The following DEAF1 variants were observed in gnomAD, a reference collection of about 807,000 sequenced individuals.
DEAF1 encodes DEAF1 transcription factor.
In DEAF1, 53 loss-of-function variants were observed where a neutral mutation model predicts 58.9. That is an observed-to-expected ratio of 0.90 (90% CI 0.72 to 1.13). The LOEUF (loss-of-function observed/expected upper bound fraction) is 1.13. DEAF1 is among the 50% of genes most tolerant of loss of function. The pLI, the probability that DEAF1 is intolerant of heterozygous loss-of-function variation, is 0.00. For synonymous variants in DEAF1, 385 were observed against 340.4 expected (o/e 1.13, Z -1.44); for missense variants, 685 against 791.4 (o/e 0.87, Z 1.61).
At chr11:685,082 CT>C (rs55670454) in intron 5 of DEAF1, 119 bp from the exon 6 acceptor site, 13,521 of 348,474 alleles carry the variant, frequency 0.039, 2 homozygotes, top group Middle Eastern at 0.05. Flanking sequence ...TATAAAAATT[CT>C]TTTTTTTTTT....
At chr11:700,526 CAA>C (rs34654075) in intron 1 of DEAF1, 5,570 of 882,666 alleles carry the variant, frequency 6.3e-3, no homozygotes, top group South Asian at 7.5e-3. Flanking sequence ...GACCCTGTCT[CAA>C]AAAAAAAAAA....
upstream of DEAF1, chr11:699,163 G>A (rs1861333922): frequency 1.9e-5 from 9 of 480,124 alleles, no homozygotes; most frequent in South Asian, 1.2e-4. Flanking sequence ...TGTCTCGGCC[G>A]CTAGTGGCAG....
chr11:696,925 C>T (rs983991787), upstream of DEAF1, among the ~76,000 whole-genome samples: 13 of 149,886 alleles, frequency 8.7e-5, no homozygotes, highest in African/African-American at 3.2e-4. Context: ...ACTAAAAATA[C>T]AAAATTAGCC....
intron 7 of DEAF1, 109 bp from the exon 8 acceptor site, chr11:679,925 G>A (rs1255886632): frequency 1.6e-5 from 23 of 1,476,834 alleles, no homozygotes; most frequent in East Asian, 7.1e-5. Context: ...GCTGAAGGGC[G>A]GGCAGTGGTA....
intron 10 of DEAF1, among the ~76,000 whole-genome samples, chr11:660,614 TC>T (rs1047161779): frequency 6.6e-6 from 1 of 152,184 alleles, no homozygotes; most frequent in African/African-American, 2.4e-5. Flanking sequence ...GGCGGGCTGC[TC>T]CCGAGTATCC....
chr11:665,590 A>G (rs984275566), intron 10 of DEAF1, among the ~76,000 whole-genome samples: 9 of 152,246 alleles, frequency 5.9e-5, no homozygotes, highest in Admixed American at 3.3e-4. Flanking sequence ...TTCATGCCAC[A>G]TTTCTCTCAT....
At chr11:654,232 G>T (rs11601654) in intron 10 of DEAF1, among the ~76,000 whole-genome samples, 181 bp from the exon 11 acceptor site, 1 of 143,292 alleles carries the variant, frequency 7.0e-6, no homozygotes, top group Non-Finnish European at 1.5e-5. Flanking sequence ...GCCGTGGTGC[G>T]ATCTCAGCTC....
chr11:680,894 G>A, intron 7 of DEAF1, 69 bp downstream of exon 7: 1 of 1,605,986 alleles, frequency 6.2e-7, no homozygotes. Flanking sequence ...GGCCGTGGGA[G>A]TGGTGACGAG....
intron 1 of DEAF1, chr11:700,821 A>G (rs1861421881): frequency 7.0e-6 from 7 of 1,000,236 alleles, no homozygotes; most frequent in Non-Finnish European, 1.1e-5. Context: ...TTTTTATCCA[A>G]ACTGCTTACC....
chr11:690,452 C>T (rs2133417852), intron 2 of DEAF1, among the ~76,000 whole-genome samples: 1 of 151,790 alleles, frequency 6.6e-6, no homozygotes, highest in Admixed American at 6.6e-5. Flanking sequence ...CTAACAATAA[C>T]TGTGCTTTCA....
intron 9 of DEAF1, 67 bp downstream of exon 9, chr11:678,627 G>A (rs999849805): frequency 1.2e-6 from 2 of 1,608,368 alleles, no homozygotes; most frequent in Non-Finnish European, 8.5e-7. Flanking sequence ...TTTCACTTAG[G>A]AATTCTTTCA....
At position 653,832 on chromosome 11, in the gene DEAF1, T is replaced by C. The variant is rs1858911593; in HGVS notation, c.1593+130A>G. Reference sequence around the variant, plus strand: ...CACGGAGCCAGGCAGGAGCCCCGGATTCCCAGAGGGAGGGACAGGGAGGGG... The same window carrying C: ...CACGGAGCCAGGCAGGAGCCCCGGACTCCCAGAGGGAGGGACAGGGAGGGG... On this transcript the variant is annotated intron_variant, in intron 11 of 11. Coordinates refer to ENST00000382409, the MANE Select transcript of DEAF1 (RefSeq NM_021008.4). 1.1e-5 allele frequency: 9 copies of C among 814,962 alleles called. No homozygotes were observed. In the South Asian group the frequency reaches 1.2e-4, roughly 11 times the overall value. 50.5% of individuals were successfully genotyped at this position (814,962 alleles called of 1,614,324 possible). A position where few individuals can be genotyped will look rare whatever the true frequency, so the allele number is the denominator to read the frequency against.
chr11:695,935 C>G, upstream of DEAF1: 1 of 1,015,872 alleles, frequency 9.8e-7, no homozygotes, highest in Non-Finnish European at 1.3e-6. Flanking sequence ...GCTTTCGGTG[C>G]GCTCACGGGG....
chr11:676,006 GCACCC>G (rs1382303730), intron 9 of DEAF1, among the ~76,000 whole-genome samples: 2 of 41,664 alleles, frequency 4.8e-5, no homozygotes, highest in African/African-American at 1.9e-4. Context: ...GCACCCCCCG[GCACCC>G]GACACCCCCC....
At chr11:701,807 C>CA (rs1861509972) in intron 1 of DEAF1, among the ~76,000 whole-genome samples, 2 of 152,104 alleles carry the variant, frequency 1.3e-5, no homozygotes, top group Non-Finnish European at 2.9e-5. Flanking sequence ...CCTCACTCCC[C>CA]TTTTTTTAAC....
intron 11 of DEAF1, among the ~76,000 whole-genome samples, chr11:649,763 C>A (rs1858676601): frequency 6.6e-6 from 1 of 151,882 alleles, no homozygotes; most frequent in Admixed American, 6.6e-5. Context: ...CGGTGGCTCA[C>A]ACCTGTAATC....
rs903098546 is a variant in DEAF1 at position 686,758 on chromosome 11, T to G, written c.804+100A>C. 4.6e-6 allele frequency: 7 copies of G among 1,532,512 alleles called. No individual in the cohort carries two copies. In the African/African-American group the frequency reaches 9.6e-5, roughly 21 times the overall value. The allele number at this position is 1,532,512 out of a possible 1,614,324, so 94.9% of individuals were successfully genotyped here. A position where few individuals can be genotyped will look rare whatever the true frequency, so the allele number is the denominator to read the frequency against. On this transcript the variant is annotated intron_variant, in intron 5 of 11. Coordinates refer to ENST00000382409, the MANE Select transcript of DEAF1 (RefSeq NM_021008.4). ...GCAGGTGGAGGCTGCAAACCCCATT[T>G]GTCTGACCCCGTGGTCTGTGCCCTC...
chr11:700,565 C>A (rs773209955), intron 1 of DEAF1: 1 of 1,418,170 alleles, frequency 7.1e-7, no homozygotes, highest in East Asian at 2.3e-5. Flanking sequence ...GAGGTGGCTG[C>A]TGCTGCTGTG....
rs201618399 is a variant in DEAF1, at chr11:668,818, TA to T, written c.1503+5717del. ...GCCTGGGTGACAAAGTGAAACCCTT[TA>T]AAAAAAAAGTTTTTTGTTTTTTTTT... On this transcript the variant is annotated intron_variant, in intron 10 of 11. Transcript: ENST00000382409. Among the ~76,000 whole-genome samples, 5 of 151,122 alleles carry T rather than the reference TA, an allele frequency of 3.3e-5. No individual in the cohort carries two copies. In the East Asian group the frequency reaches 5.8e-4, roughly 18 times the overall value.
Sources: gnomAD v4.1 joint callset for allele counts (sites outside exome capture counted in the v4.1 genomes callset) on GRCh38, gnomAD v4.1.1 for gene constraint, MANE v1.5 for transcripts, NCBI Gene and HGNC (gene_info 2026-07-23, HGNC 2026-07-21) for gene names.